The following ARID3B variants were observed in gnomAD, a reference collection of about 807,000 sequenced individuals.
The protein encoded by ARID3B is AT-rich interactive domain-containing protein 3B.
ARID3B carries 10 observed loss-of-function variants against 51.9 expected under a neutral mutation model. The observed-to-expected ratio is 0.19, with a 90% CI of 0.12 to 0.33. The LOEUF is 0.33. Among genes scored for constraint, ARID3B ranks in the 10% least tolerant of loss-of-function variants. ARID3B has a pLI of 1.00. For missense variants in ARID3B, 483 were observed against 716.3 expected (o/e 0.67, Z 3.72); for synonymous variants, 205 against 279.5 (o/e 0.73, Z 2.66).
At chr15:74,579,949 G>C (rs1254216331) in intron 4 of ARID3B, among the ~76,000 whole-genome samples, 1 of 152,098 alleles carries the variant, frequency 6.6e-6, no homozygotes, top group African/African-American at 2.4e-5. Context: ...CCAGCACTTT[G>C]GGAGGCCAAG....
chr15:74,578,382 C>T (rs1395701691), intron 4 of ARID3B, among the ~76,000 whole-genome samples: 1 of 152,086 alleles, frequency 6.6e-6, no homozygotes, highest in Non-Finnish European at 1.5e-5. Context: ...ACCATGTTGG[C>T]CAGGCTGGTT....
Position 74,591,209 on chromosome 15 carries a change from G to A in ARID3B, c.940G>A (p.Glu314Lys), listed in dbSNP as rs1195324733. 20 of 1,613,280 alleles carry A rather than the reference G, an allele frequency of 1.2e-5. No homozygotes were observed. The highest frequency in any genetic ancestry group is 2.2e-5 in the South Asian group (2 of 91,052). ...CEKKALSSPA[E>K]LQAAIDGNRR... ...GAAGAAAGCCTTGAGTTCCCCAGCC[G>A]AGCTCCAGGCAGCAATTGATGGCAA... The change falls in exon 6 of 9, where the codon GAG becomes AAG. Residue 314 changes from glutamate (E) to lysine (K), a missense_variant. Glu to Lys is a moderately conservative substitution (Grantham distance 56). Coordinates refer to ENST00000346246, the MANE Select transcript of ARID3B (RefSeq NM_006465.4). This position sits in a 1 kb window ranked among gnomAD's most constrained non-coding sequence, Gnocchi z 5.8.
intron 4 of ARID3B, chr15:74,573,538 T>C (rs2061726707): frequency 3.0e-6 from 1 of 329,072 alleles, no homozygotes; most frequent in East Asian, 6.3e-5. Flanking sequence ...TAATCTAGCA[T>C]GTGGGCCTTC....
Position 74,544,041 on chromosome 15 carries a change from G to A in ARID3B, c.105G>A (p.Met35Ile), listed in dbSNP as rs1422915260. Residue 35 changes from methionine to isoleucine, a missense_variant, in exon 2 of 9, where the codon ATG (methionine) becomes ATA (isoleucine). Met to Ile is a conservative substitution (Grantham distance 10, BLOSUM62 1). Transcript: ENST00000346246. Reference protein sequence around the residue: ...MDAREKQGQQMREAQFLYAQK... With the variant: ...MDAREKQGQQIREAQFLYAQK... Reference sequence around the variant, plus strand: ...CCAGAGAGAAGCAGGGCCAGCAGATGAGAGAAGCCCAGTTCTTGTATGCCC... The same window carrying A: ...CCAGAGAGAAGCAGGGCCAGCAGATAAGAGAAGCCCAGTTCTTGTATGCCC... The A allele has an allele frequency of 3.7e-6, 6 of 1,613,068 alleles. No individual in the cohort carries two copies. Among genetic ancestry groups the A allele is most frequent in the Non-Finnish European group, 5.1e-6 (6 of 1,179,576 alleles).
intron 2 of ARID3B, among the ~76,000 whole-genome samples, chr15:74,549,836 A>T (rs766324144): frequency 2.0e-5 from 3 of 152,150 alleles, no homozygotes; most frequent in Non-Finnish European, 4.4e-5. Context: ...TGACTGGAGT[A>T]GGGGGCAGTG....
chr15:74,550,239 G>A (rs2141375180), intron 2 of ARID3B, among the ~76,000 whole-genome samples: 1 of 152,264 alleles, frequency 6.6e-6, no homozygotes, highest in South Asian at 2.1e-4. Flanking sequence ...AGCACTCCAT[G>A]ATATCTTTGA....
intron 2 of ARID3B, among the ~76,000 whole-genome samples, chr15:74,546,400 C>A (rs2061615944): frequency 6.6e-6 from 1 of 152,188 alleles, no homozygotes; most frequent in South Asian, 2.1e-4. Context: ...TGCGTGTGTG[C>A]GGTCGTTCCT....
intron 8 of ARID3B, among the ~76,000 whole-genome samples, chr15:74,594,223 T>C (rs541071146): frequency 6.6e-5 from 10 of 151,792 alleles, no homozygotes; most frequent in Middle Eastern, 6.9e-3. Flanking sequence ...CCAAGGCGGG[T>C]GGATCACGAA....
intron 2 of ARID3B, among the ~76,000 whole-genome samples, chr15:74,546,956 T>A (rs1255526281): frequency 6.6e-6 from 1 of 152,208 alleles, no homozygotes; most frequent in Admixed American, 6.5e-5. Context: ...TTTAAAACTT[T>A]TTTTTTAGTA....
At chr15:74,588,962 T>C (rs1210999170) in intron 4 of ARID3B, among the ~76,000 whole-genome samples, 4 of 143,658 alleles carry the variant, frequency 2.8e-5, no homozygotes, top group African/African-American at 7.8e-5. Context: ...GAGAGAGAAA[T>C]AAACCATTTC....
chr15:74,544,561 A>G (rs1949744262), intron 2 of ARID3B, 73 bp downstream of exon 2: 1 of 1,503,448 alleles, frequency 6.7e-7, no homozygotes, highest in Non-Finnish European at 9.0e-7. Flanking sequence ...TGACAGGGTC[A>G]GGGGCTGTGC....
At chr15:74,548,545 A>G (rs2061624215) in intron 2 of ARID3B, among the ~76,000 whole-genome samples, 1 of 152,302 alleles carries the variant, frequency 6.6e-6, no homozygotes, top group African/African-American at 2.4e-5. Context: ...CCCTTCTAGC[A>G]TGTTTTACAA....
At chr15:74,567,867 G>A (rs1485281668) in intron 2 of ARID3B, among the ~76,000 whole-genome samples, 1 of 152,174 alleles carries the variant, frequency 6.6e-6, no homozygotes, top group East Asian at 1.9e-4. Flanking sequence ...CTGTTGAAAT[G>A]GGTTCCAGGG....
chr15:74,542,802 TAACTC>T (rs142780982), intron 1 of ARID3B, among the ~76,000 whole-genome samples: 3,563 of 152,146 alleles, frequency 0.023, 140 homozygotes, highest in African/African-American at 0.082. Context: ...TGAAGAAACA[TAACTC>T]AAGTGAAGTT....
intron 7 of ARID3B, 26 bp from the exon 8 acceptor site, chr15:74,593,112 G>GC (rs2061809821): frequency 6.2e-7 from 1 of 1,606,876 alleles, no homozygotes; most frequent in Non-Finnish European, 8.5e-7. Flanking sequence ...GCTTGACCAG[G>GC]CCCACTGTCT....
rs558441785 is a variant in ARID3B, at chr15:74,558,699, A to C, written c.553-14163A>C. 2.0e-5 allele frequency among the ~76,000 whole-genome samples: 3 copies of C among 152,264 alleles called. No homozygotes were observed. In the South Asian group the frequency reaches 6.2e-4, roughly 32 times the overall value. ...TATTATCTCTAATTCTTGGGGTGCA[A>C]GTTCTTCCTGTGTCATGTTACTGTC... On this transcript the variant is annotated intron_variant, in intron 2 of 8. Coordinates refer to ENST00000346246, the MANE Select transcript of ARID3B (RefSeq NM_006465.4).
chr15:74,558,793 G>A (rs1400069268), intron 2 of ARID3B, among the ~76,000 whole-genome samples: 1 of 152,044 alleles, frequency 6.6e-6, no homozygotes. Context: ...TTTTGAGTGG[G>A]GATTTGTTTC....
intron 4 of ARID3B, among the ~76,000 whole-genome samples, chr15:74,581,784 T>G (rs1308296273): frequency 2.0e-5 from 3 of 152,266 alleles, no homozygotes; most frequent in Non-Finnish European, 2.9e-5. Flanking sequence ...CTTCAAAATC[T>G]TTTATTGGTA....
At chr15:74,570,660 G>T (rs539164331) in intron 2 of ARID3B, among the ~76,000 whole-genome samples, 15 of 152,186 alleles carry the variant, frequency 9.9e-5, no homozygotes, top group African/African-American at 3.1e-4. Flanking sequence ...AACTGATAGG[G>T]GCTCCTGGGA....
Sources: allele counts gnomAD v4.1 joint callset (sites outside exome capture counted in the v4.1 genomes callset), GRCh38; gene constraint gnomAD v4.1.1; non-coding constraint Gnocchi (gnomAD v3.1); transcripts MANE v1.5; gene names NCBI Gene and HGNC (gene_info 2026-07-23, HGNC 2026-07-21).